The following NLE1 variants were observed in gnomAD, a reference collection of about 807,000 sequenced individuals.
NLE1 encodes notchless protein homolog 1.
In NLE1, 37 loss-of-function variants were observed where a neutral mutation model predicts 62.8. That is an observed-to-expected ratio of 0.59 (90% CI 0.45 to 0.78). The LOEUF is 0.78. NLE1 is among the 30% of genes least tolerant of loss of function. The pLI is 0.00. For missense variants in NLE1, 555 were observed against 637.9 expected (o/e 0.87, Z 1.40); for synonymous variants, 243 against 253.0 (o/e 0.96, Z 0.37).
intron 2 of NLE1, 40 bp downstream of exon 2, chr17:35,141,939 C>T (rs1597896241): frequency 6.5e-7 from 1 of 1,539,702 alleles, no homozygotes; most frequent in African/African-American, 1.4e-5. Flanking sequence ...CGCATCCGCC[C>T]GGGGGTGGAG....
chr17:35,137,142 C>A lies in NLE1; in HGVS notation c.687G>T (p.Arg229=). 2 of 1,613,400 alleles carry A rather than the reference C, an allele frequency of 1.2e-6. 1 individual carries two copies. The highest frequency in any genetic ancestry group is 2.2e-5 in the South Asian group (2 of 91,044). The change falls in exon 7 of 13, where the codon CGG becomes CGT. Residue 229 remains arginine (R), a synonymous_variant. Transcript: ENST00000442241. ...AGCGGCCTGCAGTTGTGTCCCAGATCCGCACACTGCCATCCTTGGAGCTGC... is the reference window on the plus strand; with the variant it reads ...AGCGGCCTGCAGTTGTGTCCCAGATACGCACACTGCCATCCTTGGAGCTGC... ...VASSSKDGSV[R]IWDTTAGRCE... is the part of the protein sequence containing the mutation.
In NLE1 at chr17:35,130,430, G is replaced by A. The variant is rs1407674089; in HGVS notation, c.*2007C>T. On this transcript the variant is annotated 3_prime_UTR_variant, in exon 13 of 13. Coordinates refer to ENST00000442241, the MANE Select transcript of NLE1 (RefSeq NM_018096.5). ...GAGGATCTGGAATACCTATTTCCCT[G>A]TTAAGGGGGAGGGCCCCAGGACACC... The A allele has an allele frequency of 6.2e-6, 10 of 1,613,372 alleles. No homozygotes were observed. Among genetic ancestry groups the A allele is most frequent in the Non-Finnish European group, 8.5e-6 (10 of 1,179,806 alleles).
rs557814647 is a variant in NLE1 at position 35,135,112 on chromosome 17, G to A, written c.1214+137C>T. On this transcript the variant is annotated intron_variant, in intron 10 of 12. Transcript: ENST00000442241. Reference sequence around the variant, plus strand: ...TTGTAACAAAGCTGAGAGGTAGGGGGTCTGCATATTACCAAAGAGGAAACA... The same window carrying A: ...TTGTAACAAAGCTGAGAGGTAGGGGATCTGCATATTACCAAAGAGGAAACA... 33 of 778,488 alleles carry A rather than the reference G, an allele frequency of 4.2e-5. No individual in the cohort carries two copies. In the African/African-American group the frequency reaches 4.9e-4, roughly 12 times the overall value. 48.2% of individuals were successfully genotyped at this position (778,488 alleles called of 1,614,324 possible).
chr17:35,142,159 C>T (rs755599234), intron 1 of NLE1, 37 bp from the exon 2 acceptor site: 11 of 1,606,390 alleles, frequency 6.8e-6, no homozygotes, highest in East Asian at 4.5e-5. Context: ...AGTCTGGTCG[C>T]CCGCCCAGAA....
rs532239003 is a variant in NLE1 at position 35,136,626 on chromosome 17, C to T, written c.829-129G>A. 948 of 1,188,874 alleles carry T rather than the reference C, an allele frequency of 8.0e-4. 3 individuals carry two copies. The highest frequency in any genetic ancestry group is 8.6e-4 in the Non-Finnish European group (744 of 865,396). 73.6% of individuals were successfully genotyped at this position (1,188,874 alleles called of 1,614,324 possible). ...GCATTGTGATCTTAATCAAACTACC[C>T]CTCTGGGGTCAAGTCTCTCCCCACT... On this transcript the variant is annotated intron_variant, in intron 7 of 12. Transcript: ENST00000442241.
chr17:35,129,390 T>A lies in NLE1; in HGVS notation c.*3047A>T, dbSNP rs1285274924. On this transcript the variant is annotated 3_prime_UTR_variant, in exon 13 of 13. Coordinates refer to ENST00000442241, the MANE Select transcript of NLE1 (RefSeq NM_018096.5). ...AGGGACAGGAAGGACAGGACATATC[T>A]GAGGAAGCCTCGGGGCTCTCTCTTC... 1 of 1,606,322 alleles carries A rather than the reference T, an allele frequency of 6.2e-7. No individual in the cohort carries two copies. Among genetic ancestry groups the A allele is most frequent in the African/African-American group, 1.3e-5 (1 of 74,746 alleles).
chr17:35,135,208 C>T (rs374231950), intron 10 of NLE1, 41 bp downstream of exon 10: 4 of 1,593,042 alleles, frequency 2.5e-6, no homozygotes, highest in Non-Finnish European at 3.4e-6. Context: ...CCCCTCCCAC[C>T]ATTCACTCCT....
At chr17:35,135,147 A>G in intron 10 of NLE1, 102 bp downstream of exon 10, 2 of 1,107,638 alleles carry the variant, frequency 1.8e-6, no homozygotes, top group South Asian at 1.3e-5. Context: ...AGTGGCTTAG[A>G]AAATCCAAAC....
At chr17:35,141,892 C>T in intron 2 of NLE1, 87 bp downstream of exon 2, 1 of 1,422,388 alleles carries the variant, frequency 7.0e-7, no homozygotes, top group South Asian at 1.3e-5. Context: ...AGCGGGGGAC[C>T]ATGAACCGCA....
chr17:35,140,064 C>A lies in NLE1; in HGVS notation c.165G>T (p.Glu55Asp). ...CAAAGAAAGCCAGTGGCAGGGGATC[C>A]TCCTGAAGGACAATGGTAAAGGACA... ...QLVCNALLAQ[E>D]DPLPLAFFVH... is the part of the protein sequence containing the mutation. Residue 55 changes from glutamate to aspartate, a missense_variant and splice_region_variant, in exon 3 of 13, where the codon GAG becomes GAT. Glu to Asp is a conservative substitution (Grantham distance 45). Coordinates refer to ENST00000442241, the MANE Select transcript of NLE1 (RefSeq NM_018096.5). 4 of 1,612,860 alleles carry A rather than the reference C, an allele frequency of 2.5e-6. No homozygotes were observed. Among genetic ancestry groups the A allele is most frequent in the Non-Finnish European group, 3.4e-6 (4 of 1,179,872 alleles).
In NLE1 at chr17:35,130,074, A is replaced by G. The variant is rs2142495882; in HGVS notation, c.*2363T>C. 1 of 1,419,372 alleles carries G rather than the reference A, an allele frequency of 7.0e-7. No homozygotes were observed. The highest frequency in any genetic ancestry group is 2.6e-5 in the East Asian group (1 of 39,134). 87.9% of individuals were successfully genotyped at this position (1,419,372 alleles called of 1,614,324 possible). A position where few individuals can be genotyped will look rare whatever the true frequency, so the allele number is the denominator to read the frequency against. Reference sequence around the variant, plus strand: ...GGGGTATAGAGGCCTGAGTACAGACAGCCCTTTGGTTGGAAATATCCCATA... The same window carrying G: ...GGGGTATAGAGGCCTGAGTACAGACGGCCCTTTGGTTGGAAATATCCCATA... On this transcript the variant is annotated 3_prime_UTR_variant, in exon 13 of 13. Transcript: ENST00000442241.
chr17:35,129,239 A>T lies in NLE1; in HGVS notation c.*3198T>A. The T allele has an allele frequency of 1.4e-6, 1 of 731,814 alleles. No individual in the cohort carries two copies. Among genetic ancestry groups the T allele is most frequent in the Non-Finnish European group, 2.3e-6 (1 of 437,912 alleles). The allele number at this position is 731,814 out of a possible 1,614,324, so 45.3% of individuals were successfully genotyped here. The stretch of plus-strand genomic sequence containing the variant: ...GGGTGGGGCTGCCCAGGAGAGTAGT[A>T]CATGCTTCGGGGCAGGGGTTCCACA... On this transcript the variant is annotated 3_prime_UTR_variant, in exon 13 of 13. Transcript: ENST00000442241.
In NLE1 at chr17:35,132,409, TG is replaced by T; in HGVS notation, c.*27del. On this transcript the variant is annotated 3_prime_UTR_variant, in exon 13 of 13. Transcript: ENST00000442241. Reference sequence around the variant, plus strand: ...GCAGCTGGCAGAGGCCGAGTCGAGGTGGGGGTCAGAGAGAACTTCGGGCCGT... The same window carrying T: ...GCAGCTGGCAGAGGCCGAGTCGAGGTGGGGTCAGAGAGAACTTCGGGCCGT... 1 of 1,445,296 alleles carries T rather than the reference TG, an allele frequency of 6.9e-7. No homozygotes were observed. The allele number at this position is 1,445,296 out of a possible 1,614,324, so 89.5% of individuals were successfully genotyped here.
Position 35,136,409 on chromosome 17 carries a change from A to G in NLE1, c.917T>C (p.Phe306Ser). 6.2e-7 allele frequency: 1 copy of G among 1,614,114 alleles called. No individual in the cohort carries two copies. ...ATTAACTGAGGCCTCAGCAGGTTCA[A>G]AGGCCCCAGTGCGCAGGGCATAGTC... ...STDYALRTGA[F>S]EPAEASVNPQ... The change falls in exon 8 of 13, where the codon TTT becomes TCT. Residue 306 changes from phenylalanine to serine, a missense_variant. Transcript: ENST00000442241.
At position 35,130,146 on chromosome 17, in the gene NLE1, G is replaced by C. The variant is rs1429009868; in HGVS notation, c.*2291C>G. The C allele has an allele frequency of 6.9e-7, 1 of 1,452,488 alleles. No homozygotes were observed. Among genetic ancestry groups the C allele is most frequent in the Non-Finnish European group, 9.0e-7 (1 of 1,106,582 alleles). The allele number at this position is 1,452,488 out of a possible 1,614,324, so 90.0% of individuals were successfully genotyped here. ...TCATGCATCTTTGCACCTGTTTCCT[G>C]CGTCAATGGCTAGGTTGGATAAGGC... On this transcript the variant is annotated 3_prime_UTR_variant, in exon 13 of 13. Coordinates refer to ENST00000442241, the MANE Select transcript of NLE1 (RefSeq NM_018096.5).
intron 5 of NLE1, 24 bp from the exon 6 acceptor site, chr17:35,137,664 T>C: frequency 6.3e-7 from 1 of 1,593,238 alleles, no homozygotes; most frequent in Non-Finnish European, 8.6e-7. Flanking sequence ...GCTCACTGAA[T>C]AATCCTCCCC....
intron 2 of NLE1, 40 bp downstream of exon 2, chr17:35,141,939 C>A: frequency 6.5e-7 from 1 of 1,539,700 alleles, no homozygotes; most frequent in African/African-American, 1.4e-5. Flanking sequence ...CGCATCCGCC[C>A]GGGGGTGGAG....
chr17:35,129,891 A>C lies in NLE1; in HGVS notation c.*2546T>G. The C allele has an allele frequency of 7.1e-7, 1 of 1,406,248 alleles. No individual in the cohort carries two copies. Among genetic ancestry groups the C allele is most frequent in the Non-Finnish European group, 9.2e-7 (1 of 1,082,684 alleles). 87.1% of individuals were successfully genotyped at this position (1,406,248 alleles called of 1,614,324 possible). On this transcript the variant is annotated 3_prime_UTR_variant, in exon 13 of 13. Transcript: ENST00000442241. Reference sequence around the variant, plus strand: ...CGAATGTATTTTTCAACATCACTATAATGTTCCCCTTCCAAAGCCATTGGT... The same window carrying C: ...CGAATGTATTTTTCAACATCACTATCATGTTCCCCTTCCAAAGCCATTGGT...
intron 2 of NLE1, among the ~76,000 whole-genome samples, chr17:35,141,350 A>C (rs1312023761): frequency 6.6e-6 from 1 of 152,180 alleles, no homozygotes; most frequent in Non-Finnish European, 1.5e-5. Context: ...GATCGAGACC[A>C]TCCTGGCCAA....
Sources: allele counts gnomAD v4.1 joint callset (sites outside exome capture counted in the v4.1 genomes callset), GRCh38; gene constraint gnomAD v4.1.1; transcripts MANE v1.5; gene names NCBI Gene and HGNC (gene_info 2026-07-23, HGNC 2026-07-21).